Variants in IGF2BP3 observed in about 807,000 individuals in gnomAD.
IGF2BP3 encodes the protein insulin like growth factor 2 mRNA binding protein 3.
IGF2BP3 carries 9 observed loss-of-function variants against 73.8 expected under a neutral mutation model. The observed-to-expected ratio is 0.12, with a 90% CI of 0.07 to 0.21. The LOEUF is 0.21. IGF2BP3 is among the 10% of genes least tolerant of loss of function. IGF2BP3 has a pLI of 1.00. For missense variants in IGF2BP3, 542 were observed against 714.0 expected (o/e 0.76, Z 2.75); for synonymous variants, 258 against 256.7 (o/e 1.01, Z -0.05).
chr7:23,312,174 T>A lies in IGF2BP3; in HGVS notation c.*188A>T. ...TTGTTTTAAAGCTGGGTGTCATACA[T>A]TTCAGAGAGCATAAAGTATACATTC... On this transcript the variant is annotated 3_prime_UTR_variant, in exon 15 of 15. Transcript: ENST00000258729. The A allele has an allele frequency of 3.3e-5, 12 of 358,738 alleles. No homozygotes were observed. Among genetic ancestry groups the A allele is most frequent in the Middle Eastern group, 9.0e-4 (1 of 1,114 alleles). The allele number at this position is 358,738 out of a possible 1,614,324, so 22.2% of individuals were successfully genotyped here.
At chr7:23,372,573 A>G (rs1785590686) in intron 3 of IGF2BP3, among the ~76,000 whole-genome samples, 1 of 152,106 alleles carries the variant, frequency 6.6e-6, no homozygotes, top group Non-Finnish European at 1.5e-5. Context: ...AGAGCATACG[A>G]CGTTTGGTTT....
At chr7:23,374,686 C>CGAT (rs1277257541) in intron 3 of IGF2BP3, among the ~76,000 whole-genome samples, 2 of 151,516 alleles carry the variant, frequency 1.3e-5, no homozygotes, top group African/African-American at 2.4e-5. Flanking sequence ...CCAATAGTGA[C>CGAT]GATGATGATG....
At chr7:23,455,694 A>ACTT (rs55881657) in intron 2 of IGF2BP3, among the ~76,000 whole-genome samples, 52,061 of 151,590 alleles carry the variant, frequency 0.34, 9,267 homozygotes, top group Middle Eastern at 0.41. Flanking sequence ...GGGTCTTACT[A>ACTT]TTTTTTTTGG....
chr7:23,368,493 G>T (rs1022307201), intron 3 of IGF2BP3, among the ~76,000 whole-genome samples: 2 of 152,212 alleles, frequency 1.3e-5, no homozygotes, highest in Non-Finnish European at 2.9e-5. Context: ...ACAGAAAGTA[G>T]ATTAGTGGTT....
intron 3 of IGF2BP3, among the ~76,000 whole-genome samples, chr7:23,406,673 T>C (rs1354201849): frequency 6.6e-6 from 1 of 152,094 alleles, no homozygotes; most frequent in East Asian, 1.9e-4. Context: ...CCCTGGCGGG[T>C]TGCCACTGCT....
chr7:23,460,195 AAC>A lies in IGF2BP3; in HGVS notation c.236+8285_236+8286del, dbSNP rs1247193344. Among the ~76,000 whole-genome samples the A allele has an allele frequency of 1.3e-3, 188 of 147,398 alleles. 3 individuals are homozygous for A. Among genetic ancestry groups the A allele is most frequent in the African/African-American group, 2.9e-3 (116 of 39,874 alleles). ...CCCTGCCTCAAAAAAAAAAAAAAAA[AAC>A]AAAAACGAAAGTGAGCTCACACTCA... On this transcript the variant is annotated intron_variant, in intron 2 of 14. Transcript: ENST00000258729.
At chr7:23,348,533 A>AT (rs1192622226) in intron 6 of IGF2BP3, among the ~76,000 whole-genome samples, 2 of 152,224 alleles carry the variant, frequency 1.3e-5, no homozygotes, top group African/African-American at 4.8e-5. Flanking sequence ...TACTCCTGGT[A>AT]ACATCTACAG....
chr7:23,312,904 A>G (rs1783871793), intron 13 of IGF2BP3, 56 bp from the exon 14 acceptor site: 4 of 1,085,314 alleles, frequency 3.7e-6, no homozygotes, highest in Non-Finnish European at 5.5e-6. Flanking sequence ...CTTACTTCCT[A>G]AGCACTTACT....
At chr7:23,364,999 C>G (rs1051518324) in intron 3 of IGF2BP3, among the ~76,000 whole-genome samples, 5 of 152,084 alleles carry the variant, frequency 3.3e-5, no homozygotes, top group South Asian at 2.1e-4. Context: ...AACCCCATAC[C>G]TACTAAACAT....
intron 2 of IGF2BP3, among the ~76,000 whole-genome samples, chr7:23,455,296 A>G (rs1279777873): frequency 6.6e-6 from 1 of 152,036 alleles, no homozygotes; most frequent in Non-Finnish European, 1.5e-5. Flanking sequence ...CAGCCTCTTT[A>G]ATCTCAAACA....
At chr7:23,434,359 C>T (rs1787759425) in intron 2 of IGF2BP3, among the ~76,000 whole-genome samples, 1 of 152,130 alleles carries the variant, frequency 6.6e-6, no homozygotes, top group Admixed American at 6.5e-5. Context: ...ATTATACCAC[C>T]TTCTCATCAA....
intron 3 of IGF2BP3, among the ~76,000 whole-genome samples, chr7:23,394,168 C>T (rs78991476): frequency 0.046 from 6,930 of 152,244 alleles, 447 homozygotes; most frequent in African/African-American, 0.14. Context: ...AAAAAATCTA[C>T]TTCCCAAAAT....
At chr7:23,367,275 G>A (rs1050653962) in intron 3 of IGF2BP3, among the ~76,000 whole-genome samples, 1 of 151,944 alleles carries the variant, frequency 6.6e-6, no homozygotes, top group African/African-American at 2.4e-5. Flanking sequence ...ACAGTGTCCG[G>A]CCGCATTTTG....
chr7:23,367,350 T>G (rs1348136301), intron 3 of IGF2BP3, among the ~76,000 whole-genome samples: 3 of 152,048 alleles, frequency 2.0e-5, no homozygotes, highest in Non-Finnish European at 1.5e-5. Context: ...AAGCTACTTA[T>G]GCACCTGTTT....
chr7:23,352,180 G>A (rs373310389), intron 5 of IGF2BP3, among the ~76,000 whole-genome samples: 4 of 151,294 alleles, frequency 2.6e-5, no homozygotes, highest in African/African-American at 4.9e-5. Context: ...TGTGGTTTAC[G>A]ATCTGATTTG....
At chr7:23,325,955 G>C (rs141693932) in intron 10 of IGF2BP3, among the ~76,000 whole-genome samples, 5 of 152,052 alleles carry the variant, frequency 3.3e-5, no homozygotes, top group African/African-American at 1.2e-4. Flanking sequence ...TTAAACGTTA[G>C]ACCTAAAACC....
chr7:23,352,586 C>A (rs554887109), intron 5 of IGF2BP3, among the ~76,000 whole-genome samples: 8 of 152,256 alleles, frequency 5.3e-5, no homozygotes, highest in African/African-American at 1.9e-4. Context: ...CTGTACCCAG[C>A]CTCTTTTTCA....
In IGF2BP3 at chr7:23,361,580, T is replaced by C; in HGVS notation, c.355A>G (p.Thr119Ala). The C allele has an allele frequency of 1.9e-6, 3 of 1,613,392 alleles. No individual in the cohort carries two copies. Among genetic ancestry groups the C allele is most frequent in the Non-Finnish European group, 2.5e-6 (3 of 1,179,750 alleles). Residue 119 changes from threonine to alanine, a missense_variant, in exon 5 of 15, where the codon ACT becomes GCT. Transcript: ENST00000258729. The part of the protein sequence containing the change: ...SCEQVNTDSE[T>A]AVVNVTYSSK... ...GAATAGGTTACATTTACAACTGCAG[T>C]TTCCGAGTCAGTGTTCACTAGAGGA...
At chr7:23,367,414 CACAAATACTTCT>C (rs1785409853) in intron 3 of IGF2BP3, among the ~76,000 whole-genome samples, 1 of 141,634 alleles carries the variant, frequency 7.1e-6, no homozygotes, top group Admixed American at 7.0e-5. Context: ...CTATGTCAGC[CACAAATACTTCT>C]TTTAAACAGT....
Sources: gnomAD v4.1 joint callset for allele counts (sites outside exome capture counted in the v4.1 genomes callset) on GRCh38, gnomAD v4.1.1 for gene constraint, MANE v1.5 for transcripts, NCBI Gene and HGNC (gene_info 2026-07-23, HGNC 2026-07-21) for gene names.